CUX2: variants seen among roughly 807,000 people sequenced by gnomAD.
The protein encoded by CUX2 is homeobox protein cut-like 2.
In CUX2, 40 loss-of-function variants were observed where a neutral mutation model predicts 144.8. That is an observed-to-expected ratio of 0.28 (90% CI 0.21 to 0.36). The LOEUF is 0.36. CUX2 is among the 10% of genes least tolerant of loss of function. The pLI, the probability that CUX2 is intolerant of heterozygous loss-of-function variation, is 1.00. For missense variants in CUX2, 1,615 were observed against 1,994.0 expected (o/e 0.81, Z 3.62); for synonymous variants, 827 against 875.6 (o/e 0.94, Z 0.98).
intron 15 of CUX2, among the ~76,000 whole-genome samples, chr12:111,311,132 G>T (rs1886876383): frequency 6.6e-6 from 1 of 152,202 alleles, no homozygotes; most frequent in Admixed American, 6.5e-5. Context: ...GGTGACCTCA[G>T]ACAACTCCTT....
At chr12:111,285,950 T>C (rs1885358917) in intron 4 of CUX2, among the ~76,000 whole-genome samples, 1 of 152,200 alleles carries the variant, frequency 6.6e-6, no homozygotes, top group Admixed American at 6.5e-5. Flanking sequence ...TCAGGGATAA[T>C]ATCAGACCCC....
intron 1 of CUX2, among the ~76,000 whole-genome samples, chr12:111,049,078 T>A (rs1870134875): frequency 6.6e-6 from 1 of 152,082 alleles, no homozygotes; most frequent in Admixed American, 6.5e-5. Flanking sequence ...TTCTTACTGA[T>A]CTTAACTATC....
rs1161840450 is a variant in CUX2, at chr12:111,320,643, C to G, written c.2634C>G (p.Pro878=). Residue 878 remains proline (P), a synonymous_variant, in exon 17 of 22, where the codon CCC becomes CCG. Transcript: ENST00000261726. The surrounding 1 kb of genome is among the most constrained non-coding windows in gnomAD (Gnocchi z 8.1). ...CCTACGTGCCGCGCACCCTGAAGCC[C>G]ACCGTGCCGCCGCTGACCCCCGAGC... The part of the protein sequence containing the change: ...YPAYVPRTLK[P]TVPPLTPEQY... 1 of 1,595,928 alleles carries G rather than the reference C, an allele frequency of 6.3e-7. No homozygotes were observed. Among genetic ancestry groups the G allele is most frequent in the Non-Finnish European group, 8.5e-7 (1 of 1,178,710 alleles).
intron 16 of CUX2, among the ~76,000 whole-genome samples, chr12:111,319,524 C>G (rs1405147628): frequency 7.2e-6 from 1 of 139,388 alleles, no homozygotes; most frequent in Non-Finnish European, 1.6e-5. Flanking sequence ...ATCACTTGAG[C>G]TCAGGAGTTC....
In CUX2 at chr12:111,059,331, C is replaced by T. The variant is rs75427180; in HGVS notation, c.63+25091C>T. On this transcript the variant is annotated intron_variant, in intron 1 of 21. Transcript: ENST00000261726. The surrounding 1 kb of genome is among the most constrained non-coding windows in gnomAD (Gnocchi z 5.3). The stretch of plus-strand genomic sequence containing the variant: ...TCTGAAAAAATGTGCAGACTCCACA[C>T]GGAGCAAACTGGGTAGAAATAACCA... 0.01 allele frequency among the ~76,000 whole-genome samples: 1,583 copies of T among 152,324 alleles called. 27 individuals are homozygous for T. The highest frequency in any genetic ancestry group is 0.036 in the African/African-American group (1,482 of 41,572).
At chr12:111,260,087 TG>T (rs1396628275) in intron 3 of CUX2, among the ~76,000 whole-genome samples, 1 of 145,842 alleles carries the variant, frequency 6.9e-6, no homozygotes. Context: ...TGCTTGAACC[TG>T]GGAGGCAGAG....
At chr12:111,089,447 G>A (rs1217771413) in intron 1 of CUX2, among the ~76,000 whole-genome samples, 2 of 152,238 alleles carry the variant, frequency 1.3e-5, no homozygotes, top group Non-Finnish European at 2.9e-5. Flanking sequence ...TGGTCTGTCT[G>A]CTCTGAGGCC....
intron 1 of CUX2, among the ~76,000 whole-genome samples, chr12:111,048,898 A>G (rs1380410509): frequency 6.6e-6 from 1 of 152,050 alleles, no homozygotes. Flanking sequence ...TGTCTAATCT[A>G]TGAGCACCTG....
In CUX2 at chr12:111,252,111, A is replaced by G. The variant is rs138569266; in HGVS notation, c.223-11650A>G. ...TGAGGCAGGAAGATCGCTTGAGCCC[A>G]GGAGTTTGAGGCCACAGTGAGCTAT... On this transcript the variant is annotated intron_variant, in intron 3 of 21. Transcript: ENST00000261726. Among the ~76,000 whole-genome samples the G allele has an allele frequency of 3.3e-3, 497 of 152,288 alleles. 4 individuals carry two copies. The highest frequency in any genetic ancestry group is 0.012 in the African/African-American group (482 of 41,564).
chr12:111,074,417 G>A (rs916747473), intron 1 of CUX2, among the ~76,000 whole-genome samples: 3 of 152,066 alleles, frequency 2.0e-5, no homozygotes, highest in Admixed American at 1.3e-4. Flanking sequence ...CGCCTATTTC[G>A]CTAAAGTGGA....
chr12:111,143,188 A>AG (rs1448409421), intron 1 of CUX2, among the ~76,000 whole-genome samples: 1 of 152,252 alleles, frequency 6.6e-6, no homozygotes, highest in Non-Finnish European at 1.5e-5. Context: ...AACCAGCAAC[A>AG]GGGGGGCCAC....
At chr12:111,302,960 G>A (rs1886366916) in intron 9 of CUX2, among the ~76,000 whole-genome samples, 1 of 150,566 alleles carries the variant, frequency 6.6e-6, no homozygotes, top group Non-Finnish European at 1.5e-5. Flanking sequence ...AGTAGCTCAT[G>A]CCTGTAATCC....
intron 1 of CUX2, among the ~76,000 whole-genome samples, chr12:111,044,875 G>A (rs1156969387): frequency 6.6e-6 from 1 of 152,156 alleles, no homozygotes; most frequent in Non-Finnish European, 1.5e-5. Flanking sequence ...GGCCTGTGGC[G>A]AATGAGGGTT....
chr12:111,077,285 C>T lies in CUX2; in HGVS notation c.63+43045C>T, dbSNP rs147914519. Among the ~76,000 whole-genome samples the T allele has an allele frequency of 8.5e-5, 13 of 152,308 alleles. No homozygotes were observed. Among genetic ancestry groups the T allele is most frequent in the Admixed American group, 3.9e-4 (6 of 15,308 alleles). ...TTGAAAGAGGCCTTTCCTTGAAACG[C>T]GCAGCCGTGTGGCAGGGCCCGGGAA... On this transcript the variant is annotated intron_variant, in intron 1 of 21. Coordinates refer to ENST00000261726, the MANE Select transcript of CUX2 (RefSeq NM_015267.4). The surrounding 1 kb of genome is among the most constrained non-coding windows in gnomAD (Gnocchi z 4.1).
chr12:111,341,638 T>C (rs962232030), intron 20 of CUX2, 142 bp from the exon 21 acceptor site: 2 of 941,298 alleles, frequency 2.1e-6, no homozygotes, highest in Non-Finnish European at 3.1e-6. Flanking sequence ...GGAGAAAGGC[T>C]GGGGGGCGGG....
At chr12:111,196,323 G>T (rs754123456) in intron 1 of CUX2, among the ~76,000 whole-genome samples, 2 of 152,198 alleles carry the variant, frequency 1.3e-5, no homozygotes, top group Non-Finnish European at 1.5e-5. Context: ...AAGTTTGCAC[G>T]CAGATCTTTG....
intron 1 of CUX2, among the ~76,000 whole-genome samples, chr12:111,175,903 G>A (rs1878823385): frequency 6.6e-6 from 1 of 151,962 alleles, no homozygotes; most frequent in African/African-American, 2.4e-5. Flanking sequence ...CTTAGGTCTT[G>A]AATGTTGGGT....
chr12:111,074,803 C>T (rs745530825), intron 1 of CUX2, among the ~76,000 whole-genome samples: 27 of 151,980 alleles, frequency 1.8e-4, no homozygotes, highest in Non-Finnish European at 3.4e-4. Context: ...CCTGGCTGGA[C>T]CTAGGAACCT....
At chr12:111,182,440 T>C (rs1435920924) in intron 1 of CUX2, among the ~76,000 whole-genome samples, 1 of 152,220 alleles carries the variant, frequency 6.6e-6, no homozygotes, top group African/African-American at 2.4e-5. Context: ...CATCCTGACG[T>C]TCTCCAGTTG....
Sources: gnomAD v4.1 joint callset for allele counts (sites outside exome capture counted in the v4.1 genomes callset) on GRCh38, gnomAD v4.1.1 for gene constraint, Gnocchi (gnomAD v3.1) non-coding constraint, MANE v1.5 for transcripts, NCBI Gene and HGNC (gene_info 2026-07-23, HGNC 2026-07-21) for gene names.